Variants in RARRES2 observed in about 807,000 individuals in gnomAD.
RARRES2 encodes retinoic acid receptor responder 2, also known as retinoic acid receptor responder protein 2.
Under a neutral mutation model 17.9 loss-of-function variants are expected in RARRES2, and 12 were observed. The observed-to-expected ratio is 0.67, with a 90% CI of 0.43 to 1.08. The LOEUF is 1.08. Ranked by LOEUF, RARRES2 falls within the 50% of genes least tolerant of loss-of-function variation. The pLI is 0.00. For missense variants in RARRES2, 220 were observed against 210.1 expected (o/e 1.05, Z -0.29); for synonymous variants, 82 against 86.8 (o/e 0.94, Z 0.31).
At chr7:150,340,677 G>T in intron 1 of RARRES2, 48 bp from the exon 2 acceptor site, 1 of 1,413,004 alleles carries the variant, frequency 7.1e-7, no homozygotes, top group Non-Finnish European at 9.3e-7. Context: ...AGCCCGAGCC[G>T]CCTCCTCCCG....
chr7:150,341,345 A>C (rs1290044042), intron 1 of RARRES2: 1 of 152,168 alleles, frequency 6.6e-6, no homozygotes, highest in Non-Finnish European at 1.5e-5. Context: ...CCCTCTTCCT[A>C]GCCCTTCTGA....
intron 1 of RARRES2, 32 bp from the exon 2 acceptor site, chr7:150,340,661 C>G (rs903353183): frequency 3.5e-6 from 5 of 1,431,992 alleles, no homozygotes; most frequent in East Asian, 2.6e-5. Context: ...CTCAGCTCTC[C>G]GAGCCAGCCC....
Position 150,340,639 on chromosome 7 carries a change from G to C in RARRES2, c.-20-10C>G, listed in dbSNP as rs112576421. ...CCGTGTCACCCTGGCCCTGCGAAGCGGGTGTGCGCCCCTCAGCTCTCCGAG... is the reference window on the plus strand; with the variant it reads ...CCGTGTCACCCTGGCCCTGCGAAGCCGGTGTGCGCCCCTCAGCTCTCCGAG... On this transcript the variant is annotated splice_polypyrimidine_tract_variant and intron_variant, in intron 1 of 5. Transcript: ENST00000223271. The C allele has an allele frequency of 3.4e-6, 5 of 1,473,432 alleles. No individual in the cohort carries two copies. In the South Asian group the frequency reaches 4.0e-5, roughly 12 times the overall value. The allele number at this position is 1,473,432 out of a possible 1,614,324, so 91.3% of individuals were successfully genotyped here.
In RARRES2 at chr7:150,339,093, C is replaced by T. The variant is rs201032822; in HGVS notation, c.280-12G>A. 7.5e-5 allele frequency: 118 copies of T among 1,583,424 alleles called. 1 individual carries two copies. The East Asian group carries it at 1.3e-3, about 17-fold the overall frequency. On this transcript the variant is annotated splice_polypyrimidine_tract_variant and intron_variant, in intron 3 of 5. Transcript: ENST00000223271. ...CATTTCCGTTTCCTCTGTGGGGGAG[C>T]GGGGAGCATGGGGTGAGCAGAGGAA... is the stretch of plus-strand genomic sequence containing the variant.
intron 3 of RARRES2, 35 bp downstream of exon 3, chr7:150,340,065 G>C: frequency 6.4e-7 from 1 of 1,570,828 alleles, no homozygotes. Flanking sequence ...CTCACACCCA[G>C]CATGCGCCCA....
intron 1 of RARRES2, chr7:150,341,122 G>A (rs965686199): frequency 6.5e-6 from 1 of 153,344 alleles, no homozygotes; most frequent in Non-Finnish European, 1.5e-5. Flanking sequence ...AGGGGCCGGA[G>A]GCCGAATACT....
At chr7:150,340,747 G>A (rs1798467246) in intron 1 of RARRES2, 118 bp from the exon 2 acceptor site, 1 of 867,174 alleles carries the variant, frequency 1.2e-6, no homozygotes, top group Non-Finnish European at 1.7e-6. Context: ...TAGAACGCTG[G>A]GCACAGGTGA....
rs1455238596 is a variant in RARRES2, at chr7:150,340,126, G to A, written c.253C>T (p.Pro85Ser). The A allele has an allele frequency of 3.1e-6, 5 of 1,614,036 alleles. No individual in the cohort carries two copies. In the Admixed American group the frequency reaches 6.7e-5, roughly 22 times the overall value. The change falls in exon 3 of 6, where the codon CCC (proline) becomes TCC (serine). Residue 85 changes from proline to serine, a missense_variant. Pro to Ser is a moderately conservative substitution (Grantham distance 74, BLOSUM62 -1). Transcript: ENST00000223271. ...TSCRKRDWKKPECKVRPNGRK... is the reference protein window; with the variant it reads ...TSCRKRDWKKSECKVRPNGRK... ...CCATTGGGCCTGACTTTGCACTCGG[G>A]TTTCTTCCAGTCCCTCTTCCGGCAG...
intron 3 of RARRES2, 120 bp downstream of exon 3, chr7:150,339,980 C>T: frequency 2.2e-6 from 2 of 902,046 alleles, no homozygotes; most frequent in Non-Finnish European, 3.6e-6. Context: ...AACCTCAGGG[C>T]TTCTTAATGG....
At chr7:150,341,463 G>C (rs1798488272) in intron 1 of RARRES2, 115 bp downstream of exon 1, 1 of 152,368 alleles carries the variant, frequency 6.6e-6, no homozygotes, top group South Asian at 2.1e-4. Context: ...TGGAAACCGA[G>C]GCCCCTCAGT....
chr7:150,338,823 C>T (rs1209629661), intron 4 of RARRES2, 82 bp from the exon 5 acceptor site: 3 of 1,567,590 alleles, frequency 1.9e-6, no homozygotes, highest in Admixed American at 3.6e-5. Context: ...TCCACATCCC[C>T]TCCACATCCC....
intron 2 of RARRES2, 101 bp downstream of exon 2, chr7:150,340,335 G>T: frequency 6.5e-7 from 1 of 1,542,764 alleles, no homozygotes; most frequent in East Asian, 2.3e-5. Context: ...TCTCCAAAGG[G>T]CTGGGGCTCA....
At chr7:150,338,540 A>G in intron 5 of RARRES2, 75 bp downstream of exon 5, 1 of 1,519,206 alleles carries the variant, frequency 6.6e-7, no homozygotes, top group South Asian at 1.3e-5. Context: ...CCAGGCTCCC[A>G]AAGCCCAGCC....
At chr7:150,339,993 C>A in intron 3 of RARRES2, 107 bp downstream of exon 3, 1 of 994,764 alleles carries the variant, frequency 1.0e-6, no homozygotes, top group Non-Finnish European at 1.6e-6. Context: ...CTTAATGGAC[C>A]TCCCAATTCA....
intron 4 of RARRES2, 114 bp from the exon 5 acceptor site, chr7:150,338,855 A>G (rs1479041107): frequency 6.4e-7 from 1 of 1,563,210 alleles, no homozygotes; most frequent in Admixed American, 1.7e-5. Flanking sequence ...CCAAACAGGC[A>G]CAGCGCTTTC....
In RARRES2 at chr7:150,338,654, C is replaced by G; in HGVS notation, c.463G>C (p.Ala155Pro). 1.3e-6 allele frequency: 2 copies of G among 1,555,228 alleles called. No homozygotes were observed. Among genetic ancestry groups the G allele is most frequent in the Non-Finnish European group, 1.7e-6 (2 of 1,148,862 alleles). The change falls in exon 5 of 6, where the codon GCC (alanine) becomes CCC (proline). Residue 155 changes from alanine (A) to proline (P), a missense_variant. By Grantham distance (27) the Ala-to-Pro change is conservative. Transcript: ENST00000223271. ...CTGCGGGGCAGGGCCTTGGAGAAGG[C>G]GAACTGTCCAGGGAAGTAGAAGCTG... Reference protein sequence around the residue: ...PHSFYFPGQFAFSKALPRS With the variant: ...PHSFYFPGQFPFSKALPRS
intron 2 of RARRES2, 110 bp from the exon 3 acceptor site, chr7:150,340,314 C>T: frequency 6.5e-7 from 1 of 1,537,368 alleles, no homozygotes; most frequent in South Asian, 1.2e-5. Flanking sequence ...GCAGGCTGGA[C>T]AGTGGCCTTT....
chr7:150,338,438 C>T lies in RARRES2; in HGVS notation c.*12G>A, dbSNP rs1341272357. 2 of 1,527,966 alleles carry T rather than the reference C, an allele frequency of 1.3e-6. No homozygotes were observed. The highest frequency in any genetic ancestry group is 2.0e-5 in the Admixed American group (1 of 50,636). The allele number at this position is 1,527,966 out of a possible 1,614,324, so 94.7% of individuals were successfully genotyped here. ...CAGCGGTCCTGGAGGCACCACGCAT[C>T]TCTAGACAAAAGGGGAAACAGGTTT... is the stretch of plus-strand genomic sequence containing the variant. On this transcript the variant is annotated splice_region_variant and 3_prime_UTR_variant, in exon 6 of 6. Coordinates refer to ENST00000223271, the MANE Select transcript of RARRES2 (RefSeq NM_002889.4).
intron 3 of RARRES2, among the ~76,000 whole-genome samples, chr7:150,339,384 TGTGG>T (rs1798422513): frequency 1.3e-5 from 2 of 151,864 alleles, no homozygotes; most frequent in African/African-American, 4.8e-5. Context: ...TATGCAGGAG[TGTGG>T]GTGGATGGGT....
Sources: allele counts gnomAD v4.1 joint callset (sites outside exome capture counted in the v4.1 genomes callset), GRCh38; gene constraint gnomAD v4.1.1; transcripts MANE v1.5; gene names NCBI Gene and HGNC (gene_info 2026-07-23, HGNC 2026-07-21).